AATK: variants seen among roughly 807,000 people sequenced by gnomAD.
AATK encodes lemur tail kinase 1, also known as serine/threonine-protein kinase LMTK1.
In AATK, 91 loss-of-function variants were observed where a neutral mutation model predicts 114.3. The ratio of observed to expected loss-of-function variants is 0.80; its 90% CI spans 0.67 to 0.95. The LOEUF is 0.95. Among genes scored for constraint, AATK ranks in the 40% least tolerant of loss-of-function variants. The pLI is 0.00. For synonymous variants in AATK, 1,075 were observed against 916.5 expected, an observed-to-expected ratio of 1.17 and a Z score of -3.12; for missense variants, 2,176 against 1,965.2, an observed-to-expected ratio of 1.11 and a Z score of -2.03.
rs554289617 is a variant in AATK, at chr17:81,163,317, G to A, written c.55+2621C>T. ...AGCAACAAGGCCAGCCCCCTCCCTTGGGGCACTCAGGTAGAAGGGGTGACC... is the reference window on the plus strand; with the variant it reads ...AGCAACAAGGCCAGCCCCCTCCCTTAGGGCACTCAGGTAGAAGGGGTGACC... On this transcript the variant is annotated intron_variant, in intron 1 of 13. Coordinates refer to ENST00000326724, the MANE Select transcript of AATK (RefSeq NM_001080395.3). Among the ~76,000 whole-genome samples, 3 of 152,256 alleles carry A rather than the reference G, an allele frequency of 2.0e-5. No homozygotes were observed. In the South Asian group the frequency reaches 6.2e-4, roughly 32 times the overall value.
chr17:81,141,331 A>G (rs796639301), intron 1 of AATK, among the ~76,000 whole-genome samples: 6 of 152,224 alleles, frequency 3.9e-5, no homozygotes, highest in African/African-American at 1.4e-4. Context: ...TGTGCCTGTA[A>G]TCCCAGCTAC....
chr17:81,121,182 C>A lies in AATK; in HGVS notation c.2754G>T (p.Glu918Asp). The change falls in exon 11 of 14, where the codon GAG (glutamate) becomes GAT (aspartate). Residue 918 changes from glutamate (E) to aspartate (D), a missense_variant. Physicochemically the swap from Glu to Asp is conservative, Grantham distance 45. Transcript: ENST00000326724. Reference protein sequence around the residue: ...IPSSASDGGYEVFSPSATGPS... With the variant: ...IPSSASDGGYDVFSPSATGPS... ...GGCCAGTGGCCGACGGGCTGAAGAC[C>A]TCATAGCCACCATCACTGGCTGAGG... The A allele has an allele frequency of 6.2e-7, 1 of 1,602,802 alleles. No homozygotes were observed.
chr17:81,165,892 A>AGCGGAGGGAGGCAGCGGC (rs1240542153), intron 1 of AATK, 46 bp downstream of exon 1: 2 of 1,555,478 alleles, frequency 1.3e-6, no homozygotes, highest in Admixed American at 3.9e-5. Context: ...TCACGTCCGC[A>AGCGGAGGGAGGCAGCGGC]GCGGAGGGAG....
Position 81,126,963 on chromosome 17 carries a change from G to A in AATK, c.622-403C>T, listed in dbSNP as rs1288658196. 3 of 553,416 alleles carry A rather than the reference G, an allele frequency of 5.4e-6. No individual in the cohort carries two copies. Among genetic ancestry groups the A allele is most frequent in the Admixed American group, 4.9e-5 (1 of 20,202 alleles). 34.3% of individuals were successfully genotyped at this position (553,416 alleles called of 1,614,324 possible). On this transcript the variant is annotated intron_variant, in intron 6 of 13. Coordinates refer to ENST00000326724, the MANE Select transcript of AATK (RefSeq NM_001080395.3). The surrounding 1 kb of genome is among the most constrained non-coding windows in gnomAD (Gnocchi z 5.1). ...GTCAGGAGTCCAGACGCCAGTGTGT[G>A]AGGGCCCCTGTCCCGAGGGAAGCCA...
rs988287821 is a variant in AATK, at chr17:81,134,352, G to A, written c.189+16C>T. On this transcript the variant is annotated intron_variant, in intron 2 of 13. Transcript: ENST00000326724. ...TGCGGGATCCCACGACAGCTCCCGCGGCCCCCAGGCCTCACCTTGAACCCG... is the reference window on the plus strand; with the variant it reads ...TGCGGGATCCCACGACAGCTCCCGCAGCCCCCAGGCCTCACCTTGAACCCG... The A allele has an allele frequency of 6.8e-6, 11 of 1,612,330 alleles. No homozygotes were observed. Among genetic ancestry groups the A allele is most frequent in the Admixed American group, 3.3e-5 (2 of 59,944 alleles).
chr17:81,119,468 A>AGCGGGCGTGGGCGTGGGCGCAGCCGGG lies in AATK; in HGVS notation c.3969_3995dup (p.Ala1325_Pro1333dup). On this transcript the variant is annotated inframe_insertion, in exon 13 of 14. Coordinates refer to ENST00000326724, the MANE Select transcript of AATK (RefSeq NM_001080395.3). ...GCGACACCGTGAAGCGCGAGAAGGG[A>AGCGGGCGTGGGCGTGGGCGCAGCCGGG]GCGGGCGTGGGCGTGGGCGCAGCCG... The AGCGGGCGTGGGCGTGGGCGCAGCCGGG allele has an allele frequency of 6.8e-7, 1 of 1,475,740 alleles. No homozygotes were observed. Among genetic ancestry groups the AGCGGGCGTGGGCGTGGGCGCAGCCGGG allele is most frequent in the Non-Finnish European group, 9.0e-7 (1 of 1,111,616 alleles). The allele number at this position is 1,475,740 out of a possible 1,614,324, so 91.4% of individuals were successfully genotyped here. A position where few individuals can be genotyped will look rare whatever the true frequency, so the allele number is the denominator to read the frequency against.
In AATK at chr17:81,154,791, G is replaced by T. The variant is rs1374772389; in HGVS notation, c.55+11147C>A. Among the ~76,000 whole-genome samples the T allele has an allele frequency of 4.7e-4, 56 of 119,188 alleles. 8 individuals are homozygous for T. Among genetic ancestry groups the T allele is most frequent in the African/African-American group, 1.3e-3 (31 of 23,480 alleles). 78.2% of individuals were successfully genotyped at this position (119,188 alleles called of 152,430 possible). A position where few individuals can be genotyped will look rare whatever the true frequency, so the allele number is the denominator to read the frequency against. The stretch of plus-strand genomic sequence containing the variant: ...ATTACAGACTTGCGCCATCACACCC[G>T]GCTAATTTTTGTATTTTTAGTAGAG... On this transcript the variant is annotated intron_variant, in intron 1 of 13. Coordinates refer to ENST00000326724, the MANE Select transcript of AATK (RefSeq NM_001080395.3).
At chr17:81,139,441 C>T (rs964097307) in intron 1 of AATK, among the ~76,000 whole-genome samples, 6 of 151,440 alleles carry the variant, frequency 4.0e-5, no homozygotes, top group South Asian at 2.1e-4. Context: ...AAGTTGCACA[C>T]GGCTTTGTTT....
chr17:81,148,633 C>T (rs1415501662), intron 1 of AATK, among the ~76,000 whole-genome samples: 1 of 152,222 alleles, frequency 6.6e-6, no homozygotes, highest in East Asian at 1.9e-4. Flanking sequence ...TGGGAGGGGA[C>T]ACCAACGCCC....
At chr17:81,158,140 G>T (rs373728299) in intron 1 of AATK, among the ~76,000 whole-genome samples, 1 of 152,324 alleles carries the variant, frequency 6.6e-6, no homozygotes, top group East Asian at 1.9e-4. Context: ...TTGCAGGGCC[G>T]CCCGTCACAG....
At chr17:81,140,520 T>A (rs113647657) in intron 1 of AATK, among the ~76,000 whole-genome samples, 2,200 of 152,282 alleles carry the variant, frequency 0.014, 59 homozygotes, top group African/African-American at 0.05. Flanking sequence ...AGGCGGGATT[T>A]AGGTAAGGAC....
At position 81,121,344 on chromosome 17, in the gene AATK, G is replaced by A. The variant is rs8073904; in HGVS notation, c.2592C>T (p.Ala864=). 0.85 allele frequency: 1,368,032 copies of A among 1,611,654 alleles called. 583,392 individuals are homozygous for A. Among genetic ancestry groups the A allele is most frequent in the Middle Eastern group, 0.88 (5,301 of 6,016 alleles). Residue 864 remains alanine (A), a synonymous_variant, in exon 11 of 14, where the codon GCC becomes GCT. Transcript: ENST00000326724. ...EAPSSEDEDT[A]EATSGIFTDT... ...CGGTGAAGATGCCTGAGGTGGCCTCGGCCGTGTCCTCATCCTCACTGCTGG... is the reference window on the plus strand; with the variant it reads ...CGGTGAAGATGCCTGAGGTGGCCTCAGCCGTGTCCTCATCCTCACTGCTGG...
Position 81,134,517 on chromosome 17 carries a change from G to A in AATK, c.56-16C>T. On this transcript the variant is annotated splice_polypyrimidine_tract_variant and intron_variant, in intron 1 of 13. Coordinates refer to ENST00000326724, the MANE Select transcript of AATK (RefSeq NM_001080395.3). ...GGGGCGCCGTCTGCGGGAGAGCAGT[G>A]TGGTGAGAGTGGCCATGGCTGAGGG... The A allele has an allele frequency of 6.2e-7, 1 of 1,607,352 alleles. No homozygotes were observed. Among genetic ancestry groups the A allele is most frequent in the Non-Finnish European group, 8.5e-7 (1 of 1,177,560 alleles).
chr17:81,142,241 G>A (rs1331285670), intron 1 of AATK, among the ~76,000 whole-genome samples: 1 of 151,424 alleles, frequency 6.6e-6, no homozygotes, highest in Non-Finnish European at 1.5e-5. Flanking sequence ...TTACAGGCAT[G>A]AGCTACCAGG....
Position 81,120,395 on chromosome 17 carries a change from G to A in AATK, c.3541C>T (p.Gln1181Ter). Residue 1181 changes from glutamine (Q) to a stop codon, truncating the protein, a stop_gained, in exon 11 of 14, where the codon CAG (glutamine) becomes TAG (stop). Transcript: ENST00000326724. LOFTEE classifies it high-confidence loss of function. ...SDEELRCYSV[Q>*]EPSEDSEEEA... is the part of the protein sequence containing the mutation. ...TCTTCGCTGTCCTCGCTAGGCTCCT[G>A]GACGCTGTAGCAGCGGAGCTCCTCG... is the stretch of plus-strand genomic sequence containing the variant. 1 of 1,604,220 alleles carries A rather than the reference G, an allele frequency of 6.2e-7. No individual in the cohort carries two copies. The highest frequency in any genetic ancestry group is 1.1e-5 in the South Asian group (1 of 90,358).
intron 1 of AATK, among the ~76,000 whole-genome samples, chr17:81,148,162 T>C (rs966815210): frequency 2.0e-5 from 3 of 151,898 alleles, no homozygotes; most frequent in African/African-American, 7.3e-5. Context: ...ATCCAGCTGG[T>C]TGCATCCTGT....
Position 81,124,927 on chromosome 17 carries a change from C to T in AATK, c.840+3G>A. 1 of 1,563,782 alleles carries T rather than the reference C, an allele frequency of 6.4e-7. No homozygotes were observed. Among genetic ancestry groups the T allele is most frequent in the Non-Finnish European group, 8.7e-7 (1 of 1,152,860 alleles). Reference sequence around the variant, plus strand: ...CCAGCCCAGCCCACCCCACCCCACTCACTCTGTACTTGCAGTGAGCCAGGC... The same window carrying T: ...CCAGCCCAGCCCACCCCACCCCACTTACTCTGTACTTGCAGTGAGCCAGGC... On this transcript the variant is annotated splice_donor_region_variant and intron_variant, in intron 8 of 13. Transcript: ENST00000326724.
At chr17:81,127,248 G>C (rs1404237015) in intron 6 of AATK, among the ~76,000 whole-genome samples, 1 of 151,358 alleles carries the variant, frequency 6.6e-6, no homozygotes, top group East Asian at 1.9e-4. Flanking sequence ...TGAGGCCGTG[G>C]AGCCCAAGTG....
chr17:81,126,741 C>G lies in AATK; in HGVS notation c.622-181G>C. The G allele has an allele frequency of 7.1e-7, 1 of 1,416,210 alleles. No homozygotes were observed. The highest frequency in any genetic ancestry group is 9.2e-7 in the Non-Finnish European group (1 of 1,087,142). The allele number at this position is 1,416,210 out of a possible 1,614,324, so 87.7% of individuals were successfully genotyped here. Reference sequence around the variant, plus strand: ...AGCAGTTCCTGGAGGGGGGCCGTGTCCCCCAGGGCTGGGCTGGACTGAAGG... The same window carrying G: ...AGCAGTTCCTGGAGGGGGGCCGTGTGCCCCAGGGCTGGGCTGGACTGAAGG... On this transcript the variant is annotated intron_variant, in intron 6 of 13. Transcript: ENST00000326724. This position sits in a 1 kb window ranked among gnomAD's most constrained non-coding sequence, Gnocchi z 5.1.
Sources: allele counts gnomAD v4.1 joint callset (sites outside exome capture counted in the v4.1 genomes callset), GRCh38; gene constraint gnomAD v4.1.1; non-coding constraint Gnocchi (gnomAD v3.1); transcripts MANE v1.5; gene names NCBI Gene and HGNC (gene_info 2026-07-23, HGNC 2026-07-21).